The following TBC1D22B variants were observed in gnomAD, a reference collection of about 807,000 sequenced individuals.
TBC1D22B encodes TBC1 domain family member 22B.
TBC1D22B carries 32 observed loss-of-function variants against 69.1 expected under a neutral mutation model. That is an observed-to-expected ratio of 0.46 (90% CI 0.35 to 0.62). The LOEUF is 0.62. TBC1D22B is among the 20% of genes least tolerant of loss of function. TBC1D22B has a pLI of 0.00. For missense variants in TBC1D22B, 462 were observed against 630.9 expected, an observed-to-expected ratio of 0.73 and a Z score of 2.87; for synonymous variants, 206 against 229.8, an observed-to-expected ratio of 0.90 and a Z score of 0.94.
In TBC1D22B at chr6:37,317,222, C is replaced by G. The variant is rs748670029; in HGVS notation, c.1389+16C>G. 1 of 1,555,390 alleles carries G rather than the reference C, an allele frequency of 6.4e-7. No homozygotes were observed. On this transcript the variant is annotated intron_variant, in intron 12 of 12. Coordinates refer to ENST00000373491, the MANE Select transcript of TBC1D22B (RefSeq NM_017772.4). ...GGATTTTCAGGTGAGTGGCCAAGAG[C>G]TTAGTGTGGGCAGGGAATGAACATT...
chr6:37,321,404 C>T (rs114557544), intron 12 of TBC1D22B, among the ~76,000 whole-genome samples: 295 of 152,262 alleles, frequency 1.9e-3, no homozygotes, highest in African/African-American at 6.9e-3. Flanking sequence ...TTTCTTCTTC[C>T]CCATCTCTCC....
chr6:37,284,507 C>G (rs774208395), intron 6 of TBC1D22B, 43 bp downstream of exon 6: 2 of 1,524,870 alleles, frequency 1.3e-6, no homozygotes, highest in South Asian at 2.6e-5. Context: ...CAGTCATATA[C>G]TTTAGGTATG....
At chr6:37,299,540 C>T (rs1222426647) in intron 8 of TBC1D22B, among the ~76,000 whole-genome samples, 1 of 152,184 alleles carries the variant, frequency 6.6e-6, no homozygotes, top group East Asian at 1.9e-4. Context: ...TTACTATGTG[C>T]CAGGAGATAG....
chr6:37,314,991 C>A (rs763197867), intron 10 of TBC1D22B, among the ~76,000 whole-genome samples: 1 of 152,120 alleles, frequency 6.6e-6, no homozygotes, highest in Non-Finnish European at 1.5e-5. Context: ...TTAGCCCTCA[C>A]GTTTGGGCCC....
At chr6:37,258,908 C>A (rs942273452) in intron 1 of TBC1D22B, among the ~76,000 whole-genome samples, 2 of 149,124 alleles carry the variant, frequency 1.3e-5, no homozygotes, top group African/African-American at 4.9e-5. Flanking sequence ...GCTACCTTTT[C>A]TAATGGATTC....
chr6:37,264,581 G>A (rs1766213629), intron 1 of TBC1D22B, among the ~76,000 whole-genome samples: 1 of 152,204 alleles, frequency 6.6e-6, no homozygotes, highest in Admixed American at 6.5e-5. Context: ...AAAGTGCAGG[G>A]ATTACAGTGC....
intron 1 of TBC1D22B, among the ~76,000 whole-genome samples, chr6:37,258,892 C>G (rs182670133): frequency 1.3e-5 from 2 of 151,806 alleles, no homozygotes; most frequent in Non-Finnish European, 2.9e-5. Flanking sequence ...TGGTTGTGTC[C>G]CCTGTGCTAC....
chr6:37,308,944 TAAA>T (rs11311872), intron 8 of TBC1D22B, among the ~76,000 whole-genome samples: 46 of 141,064 alleles, frequency 3.3e-4, no homozygotes, highest in Non-Finnish European at 3.1e-4. Flanking sequence ...TCCTGTCTCT[TAAA>T]AAAAAAAAAA....
intron 2 of TBC1D22B, among the ~76,000 whole-genome samples, chr6:37,278,462 T>C (rs934059858): frequency 6.6e-6 from 1 of 152,188 alleles, no homozygotes; most frequent in African/African-American, 2.4e-5. Context: ...AACTGTCAAA[T>C]CTCTGTGGAT....
intron 2 of TBC1D22B, among the ~76,000 whole-genome samples, chr6:37,270,834 C>T (rs1458400614): frequency 6.6e-6 from 1 of 152,148 alleles, no homozygotes. Flanking sequence ...TTTCTTCCTT[C>T]ACAGTCAATA....
chr6:37,294,758 ATTTC>A (rs1767303879), intron 8 of TBC1D22B, among the ~76,000 whole-genome samples: 1 of 152,184 alleles, frequency 6.6e-6, no homozygotes, highest in African/African-American at 2.4e-5. Context: ...ACAAAAAAAG[ATTTC>A]TTTTAAAATA....
chr6:37,315,860 C>T (rs1170538494), intron 10 of TBC1D22B, among the ~76,000 whole-genome samples: 2 of 152,170 alleles, frequency 1.3e-5, no homozygotes, highest in Non-Finnish European at 2.9e-5. Flanking sequence ...CAGGTGTGAG[C>T]CACAGCACCT....
chr6:37,306,393 C>T (rs751084148), intron 8 of TBC1D22B, among the ~76,000 whole-genome samples: 2 of 152,158 alleles, frequency 1.3e-5, no homozygotes, highest in African/African-American at 2.4e-5. Context: ...GCAGTGGGGA[C>T]CCTGAGCCTC....
At chr6:37,328,213 G>A (rs1768486632) in intron 12 of TBC1D22B, among the ~76,000 whole-genome samples, 1 of 152,146 alleles carries the variant, frequency 6.6e-6, no homozygotes, top group Non-Finnish European at 1.5e-5. Context: ...GCTGAGGCAG[G>A]AGAATCGCTT....
rs115464754 is a variant in TBC1D22B at position 37,268,890 on chromosome 6, G to A, written c.57-704G>A. Among the ~76,000 whole-genome samples, 837 of 152,220 alleles carry A rather than the reference G, an allele frequency of 5.5e-3. 5 individuals carry two copies. The highest frequency in any genetic ancestry group is 9.2e-3 in the Non-Finnish European group (629 of 68,006). ...CCCTACTTCACATATATTGTCATTG[G>A]TGTATAATGTTCTGCTATATAAACA... On this transcript the variant is annotated intron_variant, in intron 1 of 12. Transcript: ENST00000373491.
At chr6:37,260,248 C>T (rs1041067715) in intron 1 of TBC1D22B, among the ~76,000 whole-genome samples, 13 of 152,116 alleles carry the variant, frequency 8.5e-5, no homozygotes, top group Non-Finnish European at 1.5e-4. Flanking sequence ...AAAACTTTCT[C>T]CTGGGTGGGG....
At chr6:37,285,827 G>T (rs543047539) in intron 6 of TBC1D22B, among the ~76,000 whole-genome samples, 39 of 152,260 alleles carry the variant, frequency 2.6e-4, no homozygotes, top group African/African-American at 9.4e-4. Flanking sequence ...TCACCATGTT[G>T]GCCAGGCTGG....
In TBC1D22B at chr6:37,276,712, C is replaced by G. The variant is rs192940814; in HGVS notation, c.114-2592C>G. On this transcript the variant is annotated intron_variant, in intron 2 of 12. Transcript: ENST00000373491. Reference sequence around the variant, plus strand: ...TTGGGAGGCCGAGGAGGGCAGATCACCTGAGGTCAAGAATTTGAGACCAGC... The same window carrying G: ...TTGGGAGGCCGAGGAGGGCAGATCAGCTGAGGTCAAGAATTTGAGACCAGC... 2.0e-5 allele frequency among the ~76,000 whole-genome samples: 3 copies of G among 152,144 alleles called. No homozygotes were observed. The East Asian group carries it at 5.8e-4, about 29-fold the overall frequency.
chr6:37,293,294 G>T (rs1268289991), intron 8 of TBC1D22B, among the ~76,000 whole-genome samples: 1 of 151,918 alleles, frequency 6.6e-6, no homozygotes, highest in East Asian at 1.9e-4. Flanking sequence ...AGCCAGGATG[G>T]TCTCGATCTC....
Sources: gnomAD v4.1 joint callset for allele counts (sites outside exome capture counted in the v4.1 genomes callset) on GRCh38, gnomAD v4.1.1 for gene constraint, MANE v1.5 for transcripts, NCBI Gene and HGNC (gene_info 2026-07-23, HGNC 2026-07-21) for gene names.